Variants in TEX22 observed in about 807,000 individuals in gnomAD.
TEX22 encodes the protein testis expressed 22, also known as testis-expressed protein 22.
A neutral mutation model predicts 11.3 loss-of-function variants in TEX22; 16 were observed. That is an observed-to-expected ratio of 1.42 (90% CI 0.96 to 2.15). The LOEUF is 2.15. Among genes scored for constraint, TEX22 ranks in the 30% most tolerant of loss-of-function variants. The probability of loss-of-function intolerance (pLI) is 0.00; values close to 1 mark genes in which losing one functional copy is unlikely to be tolerated. For synonymous variants in TEX22, 97 were observed against 92.3 expected (o/e 1.05, Z -0.29); for missense variants, 220 against 208.6 (o/e 1.05, Z -0.34).
intron 2 of TEX22, among the ~76,000 whole-genome samples, chr14:105,406,662 C>T (rs1354035029): frequency 3.4e-5 from 5 of 148,788 alleles, no homozygotes; most frequent in East Asian, 2.0e-4. Flanking sequence ...ATTAAGTCTA[C>T]GTACTTGCAG....
chr14:105,407,358 A>G (rs2081663678), intron 2 of TEX22, among the ~76,000 whole-genome samples: 1 of 151,136 alleles, frequency 6.6e-6, no homozygotes, highest in Non-Finnish European at 1.5e-5. Flanking sequence ...ATGAGCCACC[A>G]TGCCCGGCCA....
chr14:105,411,521 G>GGGCCCCCCCCCC, intron 3 of TEX22, 25 bp downstream of exon 3: 1 of 458,518 alleles, frequency 2.2e-6, no homozygotes, highest in Non-Finnish European at 2.8e-6. Flanking sequence ...GGTCCTCCCC[G>GGGCCCCCCCCCC]CCCCGTCCCC....
intron 2 of TEX22, among the ~76,000 whole-genome samples, chr14:105,403,766 G>GTGTT (rs1333228209): frequency 1.3e-5 from 2 of 152,084 alleles, no homozygotes; most frequent in Non-Finnish European, 2.9e-5. Flanking sequence ...AAACAATTCA[G>GTGTT]TGTTTTTTAA....
intron 2 of TEX22, among the ~76,000 whole-genome samples, chr14:105,402,732 G>A (rs971717031): frequency 1.3e-5 from 2 of 150,952 alleles, no homozygotes. Context: ...CTCCAGCCTG[G>A]GCGACAGAGC....
intron 2 of TEX22, among the ~76,000 whole-genome samples, chr14:105,404,417 T>C (rs782241801): frequency 6.6e-6 from 1 of 152,210 alleles, no homozygotes; most frequent in African/African-American, 2.4e-5. Context: ...GGTCATCCTA[T>C]TTAGTGTGAG....
intron 2 of TEX22, among the ~76,000 whole-genome samples, chr14:105,401,575 A>T (rs1297245706): frequency 5.1e-5 from 5 of 97,702 alleles, no homozygotes; most frequent in African/African-American, 1.2e-4. Flanking sequence ...CACACCGGGG[A>T]CTCTTGTGGG....
intron 2 of TEX22, among the ~76,000 whole-genome samples, chr14:105,402,792 A>G (rs1252081336): frequency 4.6e-5 from 7 of 152,110 alleles, no homozygotes; most frequent in African/African-American, 1.4e-4. Context: ...CTGTTGTTCA[A>G]TTCCTTCATG....
At chr14:105,402,399 A>G (rs2081632264) in intron 2 of TEX22, among the ~76,000 whole-genome samples, 1 of 152,078 alleles carries the variant, frequency 6.6e-6, no homozygotes, top group East Asian at 1.9e-4. Context: ...AAAGCAGAAA[A>G]TGGAATGGAA....
chr14:105,408,551 G>T (rs1482659882), intron 2 of TEX22, among the ~76,000 whole-genome samples: 1 of 152,186 alleles, frequency 6.6e-6, no homozygotes, highest in African/African-American at 2.4e-5. Context: ...AGCTTCCCAA[G>T]TAGTTGGGAT....
Position 105,413,796 on chromosome 14 carries a change from G to A in TEX22, c.*1963G>A, listed in dbSNP as rs2081708926. ...GGGGCAGTGCCTGGAGACCGCTTAG[G>A]TTGTCACAACTGGGATTTGTGTACT... On this transcript the variant is annotated 3_prime_UTR_variant, in exon 4 of 4. Coordinates refer to ENST00000451127, the MANE Select transcript of TEX22 (RefSeq NM_001195082.2). This position sits in a 1 kb window ranked among gnomAD's most constrained non-coding sequence, Gnocchi z 4.2. 1 of 152,260 alleles carries A rather than the reference G, an allele frequency of 6.6e-6. No homozygotes were observed. The highest frequency in any genetic ancestry group is 2.4e-5 in the African/African-American group (1 of 41,466). 9.4% of individuals were successfully genotyped at this position (152,260 alleles called of 1,614,324 possible).
rs186159674 is a variant in TEX22, at chr14:105,399,014, G to T, written c.-39-288G>T. Among the ~76,000 whole-genome samples, 145 of 152,390 alleles carry T rather than the reference G, an allele frequency of 9.5e-4. 1 individual carries two copies. The highest frequency in any genetic ancestry group is 6.4e-3 in the Admixed American group (98 of 15,310). ...GCCCCTGGAACGTTTGAGAAGGCTG[G>T]CAGAGGCGTGGAGTCCGTGCAGCAG... is the stretch of plus-strand genomic sequence containing the variant. On this transcript the variant is annotated intron_variant, in intron 1 of 3. Transcript: ENST00000451127.
chr14:105,402,702 G>A (rs868976063), intron 2 of TEX22, among the ~76,000 whole-genome samples: 6 of 148,496 alleles, frequency 4.0e-5, no homozygotes, highest in African/African-American at 1.3e-4. Flanking sequence ...CTTGCAGTGA[G>A]ACGAGATTGC....
At chr14:105,411,521 G>GGGGGCCCCCCC in intron 3 of TEX22, 25 bp downstream of exon 3, 4 of 458,520 alleles carry the variant, frequency 8.7e-6, no homozygotes, top group East Asian at 8.8e-5. Context: ...GGTCCTCCCC[G>GGGGGCCCCCCC]CCCCGTCCCC....
chr14:105,403,701 C>G (rs140565556), intron 2 of TEX22, among the ~76,000 whole-genome samples: 62 of 152,318 alleles, frequency 4.1e-4, no homozygotes, highest in African/African-American at 1.4e-3. Context: ...GGATTATAGG[C>G]ATGAGCCATT....
Position 105,399,497 on chromosome 14 carries a change from G to A in TEX22, c.150+7G>A, listed in dbSNP as rs369902774. ...ACTGCAGACTCAGGACTGGGTAAGC[G>A]GAAGGAAACCCTGGCCGAGGCTACT... On this transcript the variant is annotated splice_region_variant and intron_variant, in intron 2 of 3. Transcript: ENST00000451127. The A allele has an allele frequency of 9.1e-5, 138 of 1,524,142 alleles. No individual in the cohort carries two copies. Among genetic ancestry groups the A allele is most frequent in the Middle Eastern group, 3.4e-4 (2 of 5,944 alleles). The allele number at this position is 1,524,142 out of a possible 1,614,324, so 94.4% of individuals were successfully genotyped here. A position where few individuals can be genotyped will look rare whatever the true frequency, so the allele number is the denominator to read the frequency against.
intron 2 of TEX22, among the ~76,000 whole-genome samples, chr14:105,404,246 G>A (rs781825627): frequency 3.3e-5 from 5 of 152,190 alleles, no homozygotes; most frequent in African/African-American, 7.2e-5. Flanking sequence ...TCCTTACCAC[G>A]TGGATCTCCC....
chr14:105,402,669 T>C (rs998826942), intron 2 of TEX22, among the ~76,000 whole-genome samples: 16 of 146,138 alleles, frequency 1.1e-4, no homozygotes, highest in East Asian at 4.1e-4. Context: ...GGCAGGAGAA[T>C]GGCGTGAACC....
At chr14:105,402,827 A>G (rs1555418556) in intron 2 of TEX22, among the ~76,000 whole-genome samples, 1 of 152,124 alleles carries the variant, frequency 6.6e-6, no homozygotes. Flanking sequence ...ATGTTACTGA[A>G]TAGCATGTAG....
chr14:105,399,525 C>G, intron 2 of TEX22, 35 bp downstream of exon 2: 4 of 1,501,642 alleles, frequency 2.7e-6, no homozygotes, highest in Non-Finnish European at 2.7e-6. Flanking sequence ...AGGCTACTCT[C>G]CTGTCCCCAG....
Sources: allele counts gnomAD v4.1 joint callset (sites outside exome capture counted in the v4.1 genomes callset), GRCh38; gene constraint gnomAD v4.1.1; non-coding constraint Gnocchi (gnomAD v3.1); transcripts MANE v1.5; gene names NCBI Gene and HGNC (gene_info 2026-07-23, HGNC 2026-07-21).